Variants in BCAR1 observed in about 807,000 individuals in gnomAD.
BCAR1 encodes BCAR1 scaffold protein, Cas family member.
In BCAR1, 30 loss-of-function variants were observed where a neutral mutation model predicts 67.6. The ratio of observed to expected loss-of-function variants is 0.44; its 90% CI spans 0.33 to 0.60. The LOEUF is 0.60. Among genes scored for constraint, BCAR1 ranks in the 20% least tolerant of loss-of-function variants. The pLI, the probability that BCAR1 is intolerant of heterozygous loss-of-function variation, is 0.02. For missense variants in BCAR1, 1,313 were observed against 1,222.3 expected (o/e 1.07, Z -1.11); for synonymous variants, 626 against 556.7 (o/e 1.12, Z -1.75).
chr16:75,234,865 C>A (rs529896838), intron 5 of BCAR1, 24 bp downstream of exon 5: 4 of 1,518,552 alleles, frequency 2.6e-6, no homozygotes, highest in Non-Finnish European at 3.5e-6. Context: ...GAAGAGGAGC[C>A]GGGGCTGGGC....
At chr16:75,251,429 C>T in intron 1 of BCAR1, 42 bp downstream of exon 1, 1 of 1,472,798 alleles carries the variant, frequency 6.8e-7, no homozygotes, top group Non-Finnish European at 9.0e-7. Flanking sequence ...CCGCTGCCGC[C>T]TCCAAGCCCG....
intron 2 of BCAR1, chr16:75,237,946 G>A: frequency 1.0e-6 from 1 of 1,002,702 alleles, no homozygotes; most frequent in Non-Finnish European, 1.4e-6. Context: ...GGGGGGCGCA[G>A]CAGCTGGGAC....
upstream of BCAR1, among the ~76,000 whole-genome samples, chr16:75,254,684 T>A (rs903813265): frequency 6.6e-6 from 1 of 152,170 alleles, no homozygotes; most frequent in African/African-American, 2.4e-5. Context: ...GCTGCAGATA[T>A]GTGGCCGGGG....
intron 1 of BCAR1, among the ~76,000 whole-genome samples, chr16:75,257,240 G>A (rs1008750563): frequency 4.6e-5 from 7 of 152,182 alleles, no homozygotes; most frequent in Admixed American, 6.5e-5. Context: ...GTACTGGGCG[G>A]AGGGGGGTGA....
At chr16:75,244,869 A>T (rs2077466685) in intron 1 of BCAR1, among the ~76,000 whole-genome samples, 1 of 152,238 alleles carries the variant, frequency 6.6e-6, no homozygotes, top group Non-Finnish European at 1.5e-5. Flanking sequence ...GCACATCTCA[A>T]GAAAATGTCC....
chr16:75,258,817 C>G (rs149279429), intron 1 of BCAR1, among the ~76,000 whole-genome samples: 52 of 152,352 alleles, frequency 3.4e-4, no homozygotes, highest in African/African-American at 1.2e-3. Context: ...CTACCCTCCT[C>G]AGGCTTGGCT....
rs1053691728 is a variant in BCAR1, at chr16:75,228,702, G to A, written c.*809C>T. ...CCCTCACTCCAGATGCCAGCTGTGG[G>A]CATGGGCAGGTGCTCACTGTGGCAG... On this transcript the variant is annotated 3_prime_UTR_variant, in exon 7 of 7. Transcript: ENST00000162330. 6 of 152,326 alleles carry A rather than the reference G, an allele frequency of 3.9e-5. No individual in the cohort carries two copies. Among genetic ancestry groups the A allele is most frequent in the African/African-American group, 1.4e-4 (6 of 41,470 alleles). The allele number at this position is 152,326 out of a possible 1,614,324, so 9.4% of individuals were successfully genotyped here. A position where few individuals can be genotyped will look rare whatever the true frequency, so the allele number is the denominator to read the frequency against.
intron 1 of BCAR1, chr16:75,266,039 C>A: frequency 9.7e-7 from 1 of 1,026,850 alleles, no homozygotes; most frequent in Non-Finnish European, 1.2e-6. Context: ...CCACCGTCTC[C>A]GCGGCCAGGG....
chr16:75,230,903 G>C (rs2076878798), intron 6 of BCAR1, among the ~76,000 whole-genome samples: 1 of 152,186 alleles, frequency 6.6e-6, no homozygotes. Flanking sequence ...GCTCTGATGA[G>C]GCAGGGTGAG....
chr16:75,241,929 C>T (rs888178045), intron 2 of BCAR1, among the ~76,000 whole-genome samples: 22 of 152,188 alleles, frequency 1.4e-4, no homozygotes, highest in Non-Finnish European at 4.4e-5. Context: ...GGCAGTCCTC[C>T]TCTAGCAATC....
At chr16:75,236,245 G>T (rs1000130696) in intron 4 of BCAR1, 2 of 535,394 alleles carry the variant, frequency 3.7e-6, no homozygotes, top group Non-Finnish European at 6.5e-6. Flanking sequence ...GCCGGCTCTG[G>T]AGCCAGGTGA....
chr16:75,235,512 G>A lies in BCAR1; in HGVS notation c.1387C>T (p.Leu463=). The change falls in exon 5 of 7, where the codon CTG becomes TTG. Residue 463 remains leucine (L), a synonymous_variant. Coordinates refer to ENST00000162330, the MANE Select transcript of BCAR1 (RefSeq NM_014567.5). ...PLELEVAVEA[L]ARLQQGVSAT... ...CTCACACCCTGCTGCAGCCGTGCCAGGGCCTCCACAGCAACTTCCAGCTCC... is the reference window on the plus strand; with the variant it reads ...CTCACACCCTGCTGCAGCCGTGCCAAGGCCTCCACAGCAACTTCCAGCTCC... 1.3e-6 allele frequency: 2 copies of A among 1,597,094 alleles called. No individual in the cohort carries two copies. Among genetic ancestry groups the A allele is most frequent in the Non-Finnish European group, 1.7e-6 (2 of 1,172,710 alleles).
intron 6 of BCAR1, among the ~76,000 whole-genome samples, chr16:75,231,677 G>A (rs913279503): frequency 5.9e-5 from 9 of 152,130 alleles, no homozygotes; most frequent in African/African-American, 1.9e-4. Context: ...CATCAGATAC[G>A]TGCAAAGACT....
intron 6 of BCAR1, among the ~76,000 whole-genome samples, chr16:75,230,516 A>G (rs925634449): frequency 6.6e-6 from 1 of 152,254 alleles, no homozygotes; most frequent in Non-Finnish European, 1.5e-5. Flanking sequence ...CAAATATATC[A>G]AACAGAAAAA....
intron 1 of BCAR1, chr16:75,248,334 T>G: frequency 7.4e-7 from 1 of 1,355,294 alleles, no homozygotes; most frequent in Non-Finnish European, 9.5e-7. Flanking sequence ...ACTGACTTCT[T>G]TCATACCCAG....
intron 4 of BCAR1, 51 bp downstream of exon 4, chr16:75,236,831 G>A (rs759066965): frequency 3.8e-6 from 6 of 1,591,284 alleles, no homozygotes; most frequent in Non-Finnish European, 5.1e-6. Flanking sequence ...CACACACCCA[G>A]ACACCCCACA....
At position 75,251,511 on chromosome 16, in the gene BCAR1, C is replaced by T. The variant is rs1217563876; in HGVS notation, c.-29G>A. The T allele has an allele frequency of 3.8e-6, 5 of 1,322,602 alleles. No homozygotes were observed. The Admixed American group carries it at 1.4e-4, about 38-fold the overall frequency. The allele number at this position is 1,322,602 out of a possible 1,614,324, so 81.9% of individuals were successfully genotyped here. ...GTCCGGCGGGCCTGGGGCCCCGGCT[C>T]TCGCGGGGGCGCACACCGAGCTGCC... On this transcript the variant is annotated 5_prime_UTR_variant, in exon 1 of 7. Transcript: ENST00000162330.
At position 75,235,999 on chromosome 16, in the gene BCAR1, C is replaced by A. The variant is rs1489250971; in HGVS notation, c.913-13G>T. 6.4e-7 allele frequency: 1 copy of A among 1,559,458 alleles called. No individual in the cohort carries two copies. The highest frequency in any genetic ancestry group is 2.4e-5 in the East Asian group (1 of 42,352). On this transcript the variant is annotated splice_polypyrimidine_tract_variant and intron_variant, in intron 4 of 6. Transcript: ENST00000162330. ...GAACGTCGTAGACCTGGGGGACAAG[C>A]GGTGGTCAAGACTGTCCATCTGTCC... is the stretch of plus-strand genomic sequence containing the variant.
intron 1 of BCAR1, chr16:75,264,565 T>G: frequency 7.3e-7 from 1 of 1,374,942 alleles, no homozygotes; most frequent in Non-Finnish European, 9.4e-7. Flanking sequence ...ATGGCGGGGC[T>G]CACATCAGCA....
Sources: allele counts gnomAD v4.1 joint callset (sites outside exome capture counted in the v4.1 genomes callset), GRCh38; gene constraint gnomAD v4.1.1; transcripts MANE v1.5; gene names NCBI Gene and HGNC (gene_info 2026-07-23, HGNC 2026-07-21).